The following FGD6 variants were observed in gnomAD, a reference collection of about 807,000 sequenced individuals.
The protein encoded by FGD6 is FYVE, RhoGEF and PH domain-containing protein 6.
Under a neutral mutation model 149.4 loss-of-function variants are expected in FGD6, and 90 were observed. The observed-to-expected ratio is 0.60, with a 90% confidence interval of 0.51 to 0.72. The LOEUF (loss-of-function observed/expected upper bound fraction) is 0.72, where lower values mean the gene tolerates loss of function less well. FGD6 is among the 30% of genes least tolerant of loss of function. FGD6 has a pLI of 0.00. For synonymous variants in FGD6, 527 were observed against 584.0 expected (o/e 0.90, Z 1.41); for missense variants, 1,437 against 1,684.8 (o/e 0.85, Z 2.57).
Position 95,210,786 on chromosome 12 carries a change from G to A in FGD6, c.498C>T (p.Ala166=). ...TTAAAACAACCCCACCCTGGTTCTT[G>A]GCTTTTTCACCATACAAATCACATT... ...RSKCDLYGEK[A]KNQGGVVLKA... is the part of the protein sequence containing the mutation. The change falls in exon 2 of 21, where the codon GCC becomes GCT. Residue 166 remains alanine, a synonymous_variant. Transcript: ENST00000343958. 6.2e-7 allele frequency: 1 copy of A among 1,613,978 alleles called. No homozygotes were observed. The highest frequency in any genetic ancestry group is 2.2e-5 in the East Asian group (1 of 44,884).
intron 1 of FGD6, among the ~76,000 whole-genome samples, chr12:95,211,874 A>G (rs1302946817): frequency 6.6e-6 from 1 of 152,092 alleles, no homozygotes; most frequent in Admixed American, 6.6e-5. Flanking sequence ...GAGATAATTG[A>G]CTTCAGTTTG....
At chr12:95,185,559 A>G (rs1359962550) in intron 2 of FGD6, among the ~76,000 whole-genome samples, 1 of 152,104 alleles carries the variant, frequency 6.6e-6, no homozygotes, top group African/African-American at 2.4e-5. Context: ...ACATTTCCCT[A>G]TACTATAAAA....
At chr12:95,112,494 G>C (rs568831070) in intron 9 of FGD6, among the ~76,000 whole-genome samples, 9 of 151,878 alleles carry the variant, frequency 5.9e-5, no homozygotes, top group African/African-American at 2.2e-4. Flanking sequence ...CAGCTACTTG[G>C]GGGGCTGAGG....
intron 8 of FGD6, among the ~76,000 whole-genome samples, chr12:95,133,543 A>G (rs2136257267): frequency 6.6e-6 from 1 of 152,270 alleles, no homozygotes; most frequent in Admixed American, 6.5e-5. Flanking sequence ...GGCTTAAGAG[A>G]GTGAAGTTAA....
chr12:95,183,227 G>A (rs1056643480), intron 2 of FGD6, among the ~76,000 whole-genome samples: 4 of 152,236 alleles, frequency 2.6e-5, no homozygotes, highest in Non-Finnish European at 5.9e-5. Flanking sequence ...ACCAGGTGCA[G>A]TGTCTGCCTA....
At chr12:95,135,803 T>C (rs1347549393) in intron 7 of FGD6, among the ~76,000 whole-genome samples, 1 of 152,238 alleles carries the variant, frequency 6.6e-6, no homozygotes. Flanking sequence ...GTATCTTTCA[T>C]CCAAGCATCA....
chr12:95,140,993 A>G (rs997091285), intron 6 of FGD6, among the ~76,000 whole-genome samples: 4 of 152,156 alleles, frequency 2.6e-5, no homozygotes, highest in African/African-American at 9.7e-5. Flanking sequence ...AGGCAGAGGC[A>G]GGCAGATCAC....
intron 3 of FGD6, among the ~76,000 whole-genome samples, chr12:95,162,908 C>G (rs762427903): frequency 2.6e-5 from 4 of 152,186 alleles, no homozygotes; most frequent in Non-Finnish European, 5.9e-5. Context: ...CTTTCCTCTC[C>G]TTTGATGTTG....
intron 3 of FGD6, among the ~76,000 whole-genome samples, chr12:95,155,029 T>TA (rs888402559): frequency 3.3e-5 from 5 of 151,822 alleles, no homozygotes; most frequent in African/African-American, 9.7e-5. Context: ...ACAACCAAGG[T>TA]AAAAAAATAG....
intron 20 of FGD6, 44 bp downstream of exon 20, chr12:95,084,451 AAAC>A: frequency 6.9e-7 from 1 of 1,452,494 alleles, no homozygotes; most frequent in Non-Finnish European, 9.1e-7. Flanking sequence ...AACCATTAAA[AAAC>A]TGAAATCTCA....
intron 9 of FGD6, among the ~76,000 whole-genome samples, chr12:95,111,139 G>A (rs1451804399): frequency 6.6e-6 from 1 of 151,972 alleles, no homozygotes; most frequent in Non-Finnish European, 1.5e-5. Flanking sequence ...GCACCCCCAT[G>A]CCCCACTAAT....
chr12:95,193,359 A>AT lies in FGD6; in HGVS notation c.2441+15483dup, dbSNP rs766118976. Among the ~76,000 whole-genome samples the AT allele has an allele frequency of 9.6e-3, 1,389 of 144,678 alleles. 22 individuals carry two copies. Among genetic ancestry groups the AT allele is most frequent in the African/African-American group, 0.027 (1,063 of 39,694 alleles). The allele number at this position is 144,678 out of a possible 152,430, so 94.9% of individuals were successfully genotyped here. A position where few individuals can be genotyped will look rare whatever the true frequency, so the allele number is the denominator to read the frequency against. On this transcript the variant is annotated intron_variant, in intron 2 of 20. Transcript: ENST00000343958. ...ATGGCTCTACAGAAAATCATGCTGA[A>AT]TTTTTTTTTTTTTTTGAGGCGGAAT...
At chr12:95,182,476 C>T (rs1227688523) in intron 2 of FGD6, among the ~76,000 whole-genome samples, 9 of 152,164 alleles carry the variant, frequency 5.9e-5, no homozygotes, top group Admixed American at 5.9e-4. Flanking sequence ...GCTGGGATTA[C>T]AGGTGTGAGC....
intron 8 of FGD6, among the ~76,000 whole-genome samples, chr12:95,118,381 G>T (rs1879087484): frequency 6.7e-6 from 1 of 149,644 alleles, no homozygotes; most frequent in Admixed American, 6.7e-5. Flanking sequence ...GAGAGAGAAA[G>T]GATGAGGACC....
At chr12:95,144,036 C>T (rs753149433) in intron 5 of FGD6, among the ~76,000 whole-genome samples, 13 of 152,126 alleles carry the variant, frequency 8.5e-5, no homozygotes, top group Non-Finnish European at 1.6e-4. Flanking sequence ...CTTAAGGACC[C>T]GGTTTGACAC....
chr12:95,113,061 T>C (rs1450036235), intron 9 of FGD6, among the ~76,000 whole-genome samples: 1 of 152,132 alleles, frequency 6.6e-6, no homozygotes, highest in Non-Finnish European at 1.5e-5. Flanking sequence ...CAAAGATTCC[T>C]GACCTCAGCC....
At chr12:95,105,684 T>C (rs568972053) in intron 13 of FGD6, among the ~76,000 whole-genome samples, 1 of 152,314 alleles carries the variant, frequency 6.6e-6, no homozygotes, top group South Asian at 2.1e-4. Context: ...ATCCTATGAA[T>C]ACATTAATGC....
Position 95,172,763 on chromosome 12 carries a change from AG to A in FGD6, c.2442-20del, listed in dbSNP as rs778789746. On this transcript the variant is annotated intron_variant, in intron 2 of 20. Transcript: ENST00000343958. Reference sequence around the variant, plus strand: ...TCCTGAACTGCATTCAACAGAAAGCAGGTATTAGTCACCTTCAATAATAAGA... The same window carrying A: ...TCCTGAACTGCATTCAACAGAAAGCAGTATTAGTCACCTTCAATAATAAGA... 1.9e-6 allele frequency: 3 copies of A among 1,562,472 alleles called. No individual in the cohort carries two copies. Among genetic ancestry groups the A allele is most frequent in the Non-Finnish European group, 2.6e-6 (3 of 1,149,676 alleles).
intron 20 of FGD6, among the ~76,000 whole-genome samples, chr12:95,082,212 C>T (rs1305003174): frequency 1.3e-5 from 2 of 152,224 alleles, no homozygotes; most frequent in Non-Finnish European, 2.9e-5. Context: ...AATTTGGACT[C>T]AGTGCTTTTA....
Sources: gnomAD v4.1 joint callset for allele counts (sites outside exome capture counted in the v4.1 genomes callset) on GRCh38, gnomAD v4.1.1 for gene constraint, MANE v1.5 for transcripts, NCBI Gene and HGNC (gene_info 2026-07-23, HGNC 2026-07-21) for gene names.